Variants in NOX1 observed in about 807,000 individuals in gnomAD.
NOX1 encodes NADH/NADPH mitogenic oxidase subunit P65-MOX.
In NOX1, 34 loss-of-function variants were observed where a neutral mutation model predicts 42.5. That is an observed-to-expected ratio of 0.80 (90% CI 0.61 to 1.07). The LOEUF (loss-of-function observed/expected upper bound fraction) is 1.07, where lower values mean the gene tolerates loss of function less well. Among genes scored for constraint, NOX1 ranks in the 50% least tolerant of loss-of-function variants. The probability of loss-of-function intolerance (pLI) is 0.00; values close to 1 mark genes in which losing one functional copy is unlikely to be tolerated. For missense variants in NOX1, 408 were observed against 427.0 expected, an observed-to-expected ratio of 0.96 and a Z score of 0.39; for synonymous variants, 143 against 152.5, an observed-to-expected ratio of 0.94 and a Z score of 0.46.
rs1384581199 is a variant in NOX1 at position 100,863,504 on chromosome X, A to G, written c.233T>C (p.Phe78Ser). The change falls in exon 3 of 13, where the codon TTC becomes TCC. Residue 78 changes from phenylalanine to serine, a missense_variant. By Grantham distance (155) the Phe-to-Ser change is radical. Transcript: ENST00000372966. ...ACTCACTGAGCAGGTGCCCCTCAGG[A>G]AGGACAGCAGATTGCGACACACAGG... ...LLPVCRNLLSFLRGTCSFCSR... is the reference protein window; with the variant it reads ...LLPVCRNLLSSLRGTCSFCSR... 2 of 1,211,129 alleles carry G rather than the reference A, an allele frequency of 1.7e-6. No homozygotes were observed. Among genetic ancestry groups the G allele is most frequent in the Non-Finnish European group, 2.2e-6 (2 of 895,423 alleles).
chrX:100,853,197 C>G (rs1041730964), intron 7 of NOX1, among the ~76,000 whole-genome samples: 4 of 109,930 alleles, frequency 3.6e-5, no homozygotes, highest in Admixed American at 2.9e-4. Flanking sequence ...GTATATATAC[C>G]ATACACATAT....
At chrX:100,854,606 A>T (rs1342673886) in intron 7 of NOX1, among the ~76,000 whole-genome samples, 1 of 112,081 alleles carries the variant, frequency 8.9e-6, no homozygotes, top group Non-Finnish European at 1.9e-5. Flanking sequence ...TTGTTTATTG[A>T]TTACACATGA....
intron 7 of NOX1, among the ~76,000 whole-genome samples, chrX:100,851,875 C>T (rs1050416615): frequency 9.1e-6 from 1 of 109,726 alleles, no homozygotes; most frequent in African/African-American, 3.3e-5. Flanking sequence ...TGAGATCACA[C>T]CACTGCACTC....
At chrX:100,870,894 A>G in intron 1 of NOX1, 80 bp from the exon 2 acceptor site, 1 of 616,292 alleles carries the variant, frequency 1.6e-6, no homozygotes, top group Non-Finnish European at 2.6e-6. Context: ...TAGGGATAGC[A>G]ATAGTGTCGC....
At chrX:100,855,283 C>A in intron 7 of NOX1, 1 of 572,517 alleles carries the variant, frequency 1.7e-6, no homozygotes, top group Non-Finnish European at 3.0e-6. Context: ...AGCTTTGATT[C>A]CCAATTAACA....
chrX:100,846,394 A>G (rs1201051511), intron 12 of NOX1, among the ~76,000 whole-genome samples: 3 of 111,093 alleles, frequency 2.7e-5, no homozygotes, highest in Non-Finnish European at 3.8e-5. Flanking sequence ...TCATGTATTT[A>G]TTTTATTTTA....
intron 2 of NOX1, among the ~76,000 whole-genome samples, chrX:100,864,659 A>G (rs986420741): frequency 7.1e-5 from 8 of 112,162 alleles, no homozygotes; most frequent in African/African-American, 2.6e-4. Context: ...TCAATGCTTC[A>G]AAGAAGCATT....
intron 2 of NOX1, among the ~76,000 whole-genome samples, chrX:100,865,044 G>A (rs763504410): frequency 1.8e-5 from 2 of 112,543 alleles, no homozygotes; most frequent in Non-Finnish European, 3.7e-5. Flanking sequence ...GCCAGGACAA[G>A]ATCTGCCTAG....
chrX:100,874,318 C>T lies in NOX1; in HGVS notation c.-179G>A, dbSNP rs1254294249. The T allele has an allele frequency of 4.7e-6, 2 of 426,194 alleles. No homozygotes were observed. Among genetic ancestry groups the T allele is most frequent in the African/African-American group, 2.5e-5 (1 of 40,125 alleles). The allele number at this position is 426,194 out of a possible 1,213,427, so 35.1% of individuals were successfully genotyped here. On this transcript the variant is annotated 5_prime_UTR_variant, in exon 1 of 13. Coordinates refer to ENST00000372966, the MANE Select transcript of NOX1 (RefSeq NM_007052.5). Reference sequence around the variant, plus strand: ...GAATGAATAAGTTTATTCTGCCTTCCTTCTCTGGACAGAACTGTGCTATCA... The same window carrying T: ...GAATGAATAAGTTTATTCTGCCTTCTTTCTCTGGACAGAACTGTGCTATCA...
At chrX:100,855,319 C>G (rs1166267438) in intron 7 of NOX1, 2 of 584,493 alleles carry the variant, frequency 3.4e-6, no homozygotes, top group East Asian at 6.6e-5. Context: ...ATAGCTACTG[C>G]TGCTACTGGA....
Position 100,846,953 on chromosome X carries a change from T to G in NOX1, c.1568+1677A>C, listed in dbSNP as rs6523414. On this transcript the variant is annotated intron_variant, in intron 12 of 12. Transcript: ENST00000372966. Reference sequence around the variant, plus strand: ...CTGTAATCCCAGCACTTTGGGAGGCTGAGGTGAGTGAATCACCTGAGGTCA... The same window carrying G: ...CTGTAATCCCAGCACTTTGGGAGGCGGAGGTGAGTGAATCACCTGAGGTCA... Among the ~76,000 whole-genome samples the G allele has an allele frequency of 3.8e-3, 422 of 109,934 alleles. 7 individuals are homozygous for G. In the East Asian group the frequency reaches 0.069, roughly 18 times the overall value.
At chrX:100,855,164 T>G in intron 7 of NOX1, 1 of 415,056 alleles carries the variant, frequency 2.4e-6, no homozygotes, top group Non-Finnish European at 4.4e-6. Flanking sequence ...GTATAAAACA[T>G]GTCTTCTTTG....
At chrX:100,853,306 CTTTCTTTCTTTCTT>C (rs2085136469) in intron 7 of NOX1, among the ~76,000 whole-genome samples, 1 of 80,924 alleles carries the variant, frequency 1.2e-5, no homozygotes, top group Non-Finnish European at 2.4e-5. Flanking sequence ...TTCTTTCTTT[CTTTCTTTCTTTCTT>C]TCTCTCTCTT....
chrX:100,860,021 G>A (rs1054480902), intron 7 of NOX1, among the ~76,000 whole-genome samples: 1 of 110,526 alleles, frequency 9.0e-6, no homozygotes, highest in Non-Finnish European at 1.9e-5. Flanking sequence ...CAGAGGTAAT[G>A]TTATTATTTT....
intron 7 of NOX1, among the ~76,000 whole-genome samples, chrX:100,860,023 T>C (rs1161190912): frequency 9.0e-6 from 1 of 110,740 alleles, no homozygotes; most frequent in Non-Finnish European, 1.9e-5. Flanking sequence ...GAGGTAATGT[T>C]ATTATTTTGT....
intron 7 of NOX1, chrX:100,856,490 C>T (rs1602387286): frequency 5.6e-6 from 2 of 356,458 alleles, no homozygotes; most frequent in East Asian, 9.1e-5. Flanking sequence ...TCCGCTAATA[C>T]AGATCCCTGG....
chrX:100,863,566 A>G lies in NOX1; in HGVS notation c.171T>C (p.Ala57=). 5.0e-6 allele frequency: 6 copies of G among 1,210,836 alleles called. No homozygotes were observed. The highest frequency in any genetic ancestry group is 6.7e-6 in the Non-Finnish European group (6 of 895,318). Residue 57 remains alanine, a synonymous_variant, in exon 3 of 13, where the codon GCT becomes GCC. Coordinates refer to ENST00000372966, the MANE Select transcript of NOX1 (RefSeq NM_007052.5). The part of the protein sequence containing the change: ...GSTLACARAS[A]LCLNFNSTLI... Reference sequence around the variant, plus strand: ...GCGTGCTGTTAAAATTCAAGCAGAGAGCAGACGCTCGGGCACAGGCCAATG... The same window carrying G: ...GCGTGCTGTTAAAATTCAAGCAGAGGGCAGACGCTCGGGCACAGGCCAATG...
At chrX:100,870,286 C>A (rs2085266020) in intron 2 of NOX1, among the ~76,000 whole-genome samples, 2 of 108,952 alleles carry the variant, frequency 1.8e-5, no homozygotes, top group Admixed American at 2.0e-4. Context: ...GGGGCAGGAG[C>A]AGGAGCAGGA....
intron 7 of NOX1, among the ~76,000 whole-genome samples, chrX:100,853,270 C>A (rs1285045030): frequency 6.3e-4 from 25 of 39,972 alleles, no homozygotes; most frequent in African/African-American, 2.8e-3. Flanking sequence ...TCCTTTCTTT[C>A]TTTCTTTCTT....
Sources: gnomAD v4.1 joint callset for allele counts (sites outside exome capture counted in the v4.1 genomes callset) on GRCh38, gnomAD v4.1.1 for gene constraint, MANE v1.5 for transcripts, NCBI Gene and HGNC (gene_info 2026-07-23, HGNC 2026-07-21) for gene names.